CDH26: variants seen among roughly 807,000 people sequenced by gnomAD.
The protein encoded by CDH26 is cadherin-like protein 26.
Under a neutral mutation model 90.3 loss-of-function variants are expected in CDH26, and 83 were observed. The observed-to-expected ratio is 0.92, with a 90% CI of 0.77 to 1.10. CDH26 has a LOEUF of 1.10. Ranked by LOEUF, CDH26 falls within the 50% of genes least tolerant of loss-of-function variation. CDH26 has a pLI of 0.00. For missense variants in CDH26, 1,013 were observed against 1,037.6 expected (o/e 0.98, Z 0.33); for synonymous variants, 397 against 396.3 (o/e 1.00, Z -0.02).
intron 5 of CDH26, 139 bp from the exon 6 acceptor site, chr20:59,984,498 ATG>A: frequency 3.4e-6 from 2 of 588,756 alleles, no homozygotes; most frequent in Non-Finnish European, 2.9e-6. Context: ...CTTTTCTAGT[ATG>A]TCCATAGTTT....
intron 16 of CDH26, among the ~76,000 whole-genome samples, chr20:60,003,878 G>T (rs2061707491): frequency 6.6e-6 from 1 of 152,154 alleles, no homozygotes; most frequent in Admixed American, 6.6e-5. Flanking sequence ...CATAGTGTGG[G>T]GTTAGGACCT....
chr20:60,031,425 A>G (rs1413741565), exon 8 of CDH26: 1 of 1,151,348 alleles, frequency 8.7e-7, no homozygotes, highest in African/African-American at 1.6e-5. Flanking sequence ...ACCACAAGGA[A>G]GGTTTGAGTC....
intron 13 of CDH26, among the ~76,000 whole-genome samples, chr20:59,997,436 A>G (rs1208187241): frequency 1.3e-5 from 2 of 152,264 alleles, no homozygotes; most frequent in African/African-American, 2.4e-5. Flanking sequence ...AAATTCTTAG[A>G]TAGGTTGTGG....
chr20:59,985,394 A>G (rs746519183), intron 7 of CDH26, among the ~76,000 whole-genome samples: 1 of 152,042 alleles, frequency 6.6e-6, no homozygotes, highest in Non-Finnish European at 1.5e-5. Flanking sequence ...GGGAGCAGGC[A>G]TGTCACTCGG....
chr20:59,967,905 CTTCCTTTCCTTTCCT>C (rs749471979), intron 1 of CDH26, among the ~76,000 whole-genome samples: 2 of 112,090 alleles, frequency 1.8e-5, no homozygotes, highest in East Asian at 4.6e-4. Context: ...TCCTTCCTTC[CTTCCTTTCCTTTCCT>C]TTCCTTTCCT....
intron 7 of CDH26, among the ~76,000 whole-genome samples, chr20:59,985,614 G>C (rs1357926531): frequency 6.6e-6 from 1 of 152,052 alleles, no homozygotes; most frequent in African/African-American, 2.4e-5. Flanking sequence ...CCAACACTGG[G>C]GATCACATTT....
intron 8 of CDH26, 95 bp from the exon 9 acceptor site, chr20:59,988,809 C>T: frequency 7.2e-7 from 1 of 1,390,362 alleles, no homozygotes; most frequent in Non-Finnish European, 9.8e-7. Flanking sequence ...GTGCAAAAGC[C>T]ACAAGCTCTG....
chr20:60,032,232 A>G (rs1051751851), intron 8 of CDH26, among the ~76,000 whole-genome samples: 4 of 152,220 alleles, frequency 2.6e-5, no homozygotes, highest in South Asian at 4.1e-4. Flanking sequence ...TTTATTTATC[A>G]TCAGGCAAAG....
chr20:59,976,997 C>G (rs924102950), intron 4 of CDH26, among the ~76,000 whole-genome samples: 1 of 152,084 alleles, frequency 6.6e-6, no homozygotes, highest in Non-Finnish European at 1.5e-5. Flanking sequence ...GAGGAAGAAT[C>G]GGCGGAAGGT....
chr20:59,989,162 A>G lies in CDH26; in HGVS notation c.1282A>G (p.Arg428Gly). The G allele has an allele frequency of 6.2e-7, 1 of 1,613,808 alleles. No individual in the cohort carries two copies. The highest frequency in any genetic ancestry group is 1.7e-4 in the Middle Eastern group (1 of 6,060). Reference protein sequence around the residue: ...FNAMDPDSQIRYELVHDPANW... With the variant: ...FNAMDPDSQIGYELVHDPANW... Reference sequence around the variant, plus strand: ...TGCCATGGATCCAGACAGCCAGATAAGGTGAGAAGAGAGGGCCAAGAAGGG... The same window carrying G: ...TGCCATGGATCCAGACAGCCAGATAGGGTGAGAAGAGAGGGCCAAGAAGGG... Residue 428 changes from arginine to glycine, a missense_variant and splice_region_variant, in exon 9 of 18, where the codon AGA becomes GGA. Coordinates refer to ENST00000348616, the MANE Select transcript of CDH26 (RefSeq NM_177980.4).
chr20:59,983,199 C>T (rs1172589420), intron 5 of CDH26, 129 bp downstream of exon 5: 2 of 1,120,980 alleles, frequency 1.8e-6, no homozygotes, highest in Non-Finnish European at 1.3e-6. Context: ...TCAAAGATCG[C>T]AGGCCTTGGA....
intron 16 of CDH26, among the ~76,000 whole-genome samples, chr20:60,003,448 G>A (rs773517066): frequency 1.3e-5 from 2 of 152,166 alleles, no homozygotes; most frequent in East Asian, 3.9e-4. Context: ...TCATTGCCTC[G>A]CATTATTATA....
chr20:59,960,863 T>G (rs2061061626), intron 1 of CDH26, among the ~76,000 whole-genome samples: 1 of 152,180 alleles, frequency 6.6e-6, no homozygotes, highest in South Asian at 2.1e-4. Context: ...CTAATCACAG[T>G]GAAAATGGTT....
chr20:59,961,483 T>C (rs142388545), intron 1 of CDH26, among the ~76,000 whole-genome samples: 4 of 152,334 alleles, frequency 2.6e-5, no homozygotes, highest in African/African-American at 9.6e-5. Flanking sequence ...AGGTGCTCAA[T>C]AATTGTCAAA....
intron 1 of CDH26, among the ~76,000 whole-genome samples, chr20:59,960,124 G>A (rs2061048766): frequency 1.3e-5 from 2 of 152,104 alleles, no homozygotes; most frequent in Admixed American, 6.5e-5. Flanking sequence ...TCCTTACCTT[G>A]GATCAAGTTG....
chr20:59,967,163 G>A (rs2061160238), intron 1 of CDH26, among the ~76,000 whole-genome samples: 1 of 152,190 alleles, frequency 6.6e-6, no homozygotes, highest in Non-Finnish European at 1.5e-5. Flanking sequence ...AATTTAGGAT[G>A]AGAGTTACTT....
chr20:59,975,410 G>A (rs150866154), intron 4 of CDH26, among the ~76,000 whole-genome samples: 38 of 152,214 alleles, frequency 2.5e-4, no homozygotes, highest in Admixed American at 1.7e-3. Context: ...TCTCTCCTTC[G>A]GAGCCTCCAG....
intron 4 of CDH26, among the ~76,000 whole-genome samples, chr20:59,975,222 C>A (rs1042022269): frequency 6.6e-6 from 1 of 152,106 alleles, no homozygotes; most frequent in Non-Finnish European, 1.5e-5. Flanking sequence ...TGAGGTCATA[C>A]TGGATTAGGG....
downstream of CDH26, among the ~76,000 whole-genome samples, chr20:60,014,839 T>C (rs2061891445): frequency 1.3e-5 from 2 of 152,220 alleles, no homozygotes; most frequent in African/African-American, 2.4e-5. Flanking sequence ...TTGAATTATA[T>C]TGTAGTTCTA....
Sources: gnomAD v4.1 joint callset for allele counts (sites outside exome capture counted in the v4.1 genomes callset) on GRCh38, gnomAD v4.1.1 for gene constraint, MANE v1.5 for transcripts, NCBI Gene and HGNC (gene_info 2026-07-23, HGNC 2026-07-21) for gene names.